Variants in JAZF1 observed in about 807,000 individuals in gnomAD.
The protein encoded by JAZF1 is juxtaposed with another zinc finger protein 1.
In JAZF1, 8 loss-of-function variants were observed where a neutral mutation model predicts 26.4. That is an observed-to-expected ratio of 0.30 (90% confidence interval 0.18 to 0.55). The LOEUF (loss-of-function observed/expected upper bound fraction) is 0.55. Ranked by LOEUF, JAZF1 falls within the 20% of genes least tolerant of loss-of-function variation. JAZF1 has a pLI of 0.94. For synonymous variants in JAZF1, 126 were observed against 122.3 expected (o/e 1.03, Z -0.20); for missense variants, 199 against 322.0 (o/e 0.62, Z 2.92).
chr7:28,064,132 G>C (rs149871101), intron 1 of JAZF1, among the ~76,000 whole-genome samples: 599 of 151,936 alleles, frequency 3.9e-3, no homozygotes, highest in Middle Eastern at 0.02. Context: ...ATATATATAT[G>C]TCTGAGGTAG....
At chr7:28,026,450 G>A (rs1783095583) in intron 1 of JAZF1, among the ~76,000 whole-genome samples, 1 of 152,142 alleles carries the variant, frequency 6.6e-6, no homozygotes. Flanking sequence ...GGCACTTGTG[G>A]CCCAGTAATA....
At chr7:28,081,518 G>A (rs571172793) in intron 1 of JAZF1, among the ~76,000 whole-genome samples, 1 of 152,312 alleles carries the variant, frequency 6.6e-6, no homozygotes, top group Non-Finnish European at 1.5e-5. Flanking sequence ...CTGCTTAGCT[G>A]GGGTTTTGGG....
intron 1 of JAZF1, among the ~76,000 whole-genome samples, chr7:28,178,736 G>T (rs1311818726): frequency 6.6e-6 from 1 of 152,130 alleles, no homozygotes; most frequent in African/African-American, 2.4e-5. Context: ...CAGCAAATTG[G>T]TTGCTCCATT....
intron 2 of JAZF1, among the ~76,000 whole-genome samples, chr7:27,963,361 G>A (rs1390425100): frequency 2.6e-5 from 4 of 152,036 alleles, no homozygotes; most frequent in Admixed American, 2.6e-4. Context: ...GCAAATGCTT[G>A]GATGAGGAAA....
rs183438253 is a variant in JAZF1, at chr7:27,909,435, G to T, written c.189-14019C>A. ...AAAAAACCCACCACTGGCCGGGCGC[G>T]GTGGCTCATGCCTGTAATCCCAGCA... On this transcript the variant is annotated intron_variant, in intron 2 of 4. Transcript: ENST00000283928. Among the ~76,000 whole-genome samples the T allele has an allele frequency of 3.8e-3, 576 of 151,970 alleles. 5 individuals carry two copies. The highest frequency in any genetic ancestry group is 0.013 in the African/African-American group (547 of 41,470).
At chr7:28,123,999 C>T (rs754943143) in intron 1 of JAZF1, among the ~76,000 whole-genome samples, 10 of 152,182 alleles carry the variant, frequency 6.6e-5, no homozygotes, top group Admixed American at 2.6e-4. Context: ...CAACGTGCCA[C>T]GTGCAGCATC....
chr7:27,936,053 GT>G (rs1436581204), intron 2 of JAZF1, among the ~76,000 whole-genome samples: 1 of 152,192 alleles, frequency 6.6e-6, no homozygotes, highest in Non-Finnish European at 1.5e-5. Flanking sequence ...TCCCTGGGAA[GT>G]TCGAAACAAG....
chr7:27,947,422 T>G (rs1784937560), intron 2 of JAZF1, among the ~76,000 whole-genome samples: 1 of 152,226 alleles, frequency 6.6e-6, no homozygotes, highest in Non-Finnish European at 1.5e-5. Context: ...TAGCCATCCA[T>G]AAAGAACAAT....
chr7:27,849,756 C>CAGACACAGACACAG lies in JAZF1; in HGVS notation c.386-8890_386-8889insCTGTGTCTGTGTCT, dbSNP rs200915594. On this transcript the variant is annotated intron_variant, in intron 3 of 4. Transcript: ENST00000283928. ...ATATTGGAACCCTTACACACAGACA[C>CAGACACAGACACAG]ACACACACACACACACACCCCTACA... 5.6e-3 allele frequency among the ~76,000 whole-genome samples: 826 copies of CAGACACAGACACAG among 147,466 alleles called. 4 individuals are homozygous for CAGACACAGACACAG. The highest frequency in any genetic ancestry group is 0.02 in the African/African-American group (780 of 38,780).
At chr7:27,932,530 C>T (rs914570667) in intron 2 of JAZF1, among the ~76,000 whole-genome samples, 3 of 152,000 alleles carry the variant, frequency 2.0e-5, no homozygotes, top group African/African-American at 4.8e-5. Context: ...ATTTATGATT[C>T]GCAACATGAA....
At chr7:27,998,058 G>GAAGA (rs1786054884) in intron 1 of JAZF1, among the ~76,000 whole-genome samples, 3 of 146,022 alleles carry the variant, frequency 2.1e-5, no homozygotes, top group Non-Finnish European at 4.5e-5. Flanking sequence ...AGGAAGGAAG[G>GAAGA]AAGGAAGGAA....
intron 3 of JAZF1, among the ~76,000 whole-genome samples, chr7:27,884,322 G>A (rs1024140648): frequency 6.6e-5 from 10 of 152,174 alleles, no homozygotes; most frequent in African/African-American, 2.4e-4. Flanking sequence ...TAGAGACCAG[G>A]TCTCACTATG....
At chr7:27,901,177 CTG>C (rs1264185148) in intron 2 of JAZF1, among the ~76,000 whole-genome samples, 1 of 152,192 alleles carries the variant, frequency 6.6e-6, no homozygotes, top group Non-Finnish European at 1.5e-5. Flanking sequence ...CATTTTGAAA[CTG>C]AAACTGCTGT....
rs114005495 is a variant in JAZF1 at position 27,861,076 on chromosome 7, T to C, written c.386-20209A>G. ...CTTCGTTCACCCCTTGCTTGGGTCA[T>C]GGGAGGTAAAATCTGGAGTCCCTGA... On this transcript the variant is annotated intron_variant, in intron 3 of 4. Transcript: ENST00000283928. Among the ~76,000 whole-genome samples, 241 of 152,322 alleles carry C rather than the reference T, an allele frequency of 1.6e-3. 1 individual carries two copies. The highest frequency in any genetic ancestry group is 5.4e-3 in the African/African-American group (226 of 41,572).
rs1331177296 is a variant in JAZF1 at position 28,082,190 on chromosome 7, G to C, written c.116-90209C>G. Among the ~76,000 whole-genome samples, 2 of 152,084 alleles carry C rather than the reference G, an allele frequency of 1.3e-5. 1 individual carries two copies. The highest frequency in any genetic ancestry group is 3.9e-4 in the East Asian group (2 of 5,186). ...CTCTGACAAAATGAAGTAAGACCTG[G>C]TAGAATTTCTCAGACAAATCATGCC... On this transcript the variant is annotated intron_variant, in intron 1 of 4. Transcript: ENST00000283928.
intron 3 of JAZF1, chr7:27,844,500 GCAACACC>G (rs1782982918): frequency 1.3e-5 from 2 of 152,254 alleles, no homozygotes; most frequent in East Asian, 3.9e-4. Context: ...GCTTCTCCTA[GCAACACC>G]CTCCCAAGCT....
At chr7:27,881,861 GAC>G (rs1417752740) in intron 3 of JAZF1, among the ~76,000 whole-genome samples, 4 of 152,142 alleles carry the variant, frequency 2.6e-5, no homozygotes, top group South Asian at 2.1e-4. Flanking sequence ...ACTATACAGT[GAC>G]ACAGCTTATC....
chr7:27,972,941 G>A (rs1785400856), intron 2 of JAZF1, among the ~76,000 whole-genome samples: 1 of 131,160 alleles, frequency 7.6e-6, no homozygotes, highest in Non-Finnish European at 1.7e-5. Context: ...ATGTATATGT[G>A]TGTGTATATA....
At chr7:28,126,547 C>G (rs2127940034) in intron 1 of JAZF1, among the ~76,000 whole-genome samples, 1 of 152,138 alleles carries the variant, frequency 6.6e-6, no homozygotes, top group South Asian at 2.1e-4. Context: ...CACTCAGAGG[C>G]AGGAATGACC....
Sources: gnomAD v4.1 joint callset for allele counts (sites outside exome capture counted in the v4.1 genomes callset) on GRCh38, gnomAD v4.1.1 for gene constraint, MANE v1.5 for transcripts, NCBI Gene and HGNC (gene_info 2026-07-23, HGNC 2026-07-21) for gene names.